The following RAB27B variants were observed in gnomAD, a reference collection of about 807,000 sequenced individuals.
RAB27B encodes RAB27B, member RAS oncogene family, also known as ras-related protein Rab-27B.
RAB27B carries 15 observed loss-of-function variants against 24.6 expected under a neutral mutation model. The ratio of observed to expected loss-of-function variants is 0.61; its 90% CI spans 0.41 to 0.94. RAB27B has a LOEUF of 0.94. RAB27B is among the 40% of genes least tolerant of loss of function. The pLI is 0.00. For missense variants in RAB27B, 261 were observed against 266.8 expected (o/e 0.98, Z 0.15); for synonymous variants, 105 against 92.5 (o/e 1.14, Z -0.78).
intron 3 of RAB27B, among the ~76,000 whole-genome samples, chr18:54,882,334 C>A (rs1368742095): frequency 6.6e-6 from 1 of 152,074 alleles, no homozygotes; most frequent in Non-Finnish European, 1.5e-5. Context: ...ATTTAGTGAG[C>A]AAATACCAGG....
chr18:54,728,914 A>AC (rs1909637598), intron 2 of RAB27B, among the ~76,000 whole-genome samples: 1 of 145,536 alleles, frequency 6.9e-6, no homozygotes, highest in African/African-American at 2.6e-5. Context: ...AAAAAAAAAA[A>AC]AAAAAAAAAC....
At chr18:54,850,390 GAGACA>G in intron 1 of RAB27B, among the ~76,000 whole-genome samples, 1 of 115,642 alleles carries the variant, frequency 8.6e-6, no homozygotes, top group Non-Finnish European at 1.8e-5. Flanking sequence ...TTTTTTTCTT[GAGACA>G]GAGTCTCACT....
intron 2 of RAB27B, among the ~76,000 whole-genome samples, chr18:54,798,268 G>A (rs1909486982): frequency 6.6e-6 from 1 of 152,226 alleles, no homozygotes; most frequent in Non-Finnish European, 1.5e-5. Flanking sequence ...AGGCTGAGAA[G>A]CCAACAGGAG....
chr18:54,884,492 G>T, intron 4 of RAB27B, 56 bp downstream of exon 4: 1 of 1,152,054 alleles, frequency 8.7e-7, no homozygotes, highest in Non-Finnish European at 1.3e-6. Flanking sequence ...TGCCTTAGGT[G>T]CTTGTTGGTC....
intron 2 of RAB27B, among the ~76,000 whole-genome samples, chr18:54,741,535 A>G (rs1406595150): frequency 6.6e-6 from 1 of 151,898 alleles, no homozygotes; most frequent in Non-Finnish European, 1.5e-5. Context: ...GCTGTGTTGC[A>G]CAGGTTGGAG....
At chr18:54,871,849 CAAAAAAAA>C (rs11388519) in intron 1 of RAB27B, among the ~76,000 whole-genome samples, 4 of 85,974 alleles carry the variant, frequency 4.7e-5, no homozygotes, top group East Asian at 7.8e-4. Flanking sequence ...GACTCCATCT[CAAAAAAAA>C]AAAAAAAAAA....
intron 3 of RAB27B, among the ~76,000 whole-genome samples, chr18:54,882,507 C>T (rs1465654319): frequency 2.0e-5 from 3 of 152,184 alleles, no homozygotes; most frequent in African/African-American, 4.8e-5. Context: ...AGGAGGAGCG[C>T]ATAGCCCACA....
intron 2 of RAB27B, among the ~76,000 whole-genome samples, chr18:54,818,226 A>G (rs1244985971): frequency 1.3e-5 from 2 of 152,216 alleles, no homozygotes; most frequent in Non-Finnish European, 2.9e-5. Context: ...TGCCCTTCCT[A>G]AAGAGTTAGG....
intron 2 of RAB27B, among the ~76,000 whole-genome samples, chr18:54,721,605 TC>T (rs968722251): frequency 1.4e-4 from 22 of 152,022 alleles, no homozygotes; most frequent in African/African-American, 4.8e-4. Context: ...ACAAGTTATG[TC>T]CCCCCTTGCA....
intron 1 of RAB27B, among the ~76,000 whole-genome samples, chr18:54,831,011 G>A (rs1910652105): frequency 6.6e-6 from 1 of 152,230 alleles, no homozygotes; most frequent in South Asian, 2.1e-4. Flanking sequence ...GTGGACAGAA[G>A]TGGACCAAAA....
intron 4 of RAB27B, among the ~76,000 whole-genome samples, chr18:54,887,021 T>TC (rs1568117054): frequency 3.3e-4 from 24 of 72,936 alleles, no homozygotes; most frequent in South Asian, 8.3e-4. Context: ...CTCCCTCCCT[T>TC]CCTCCCTCCC....
At chr18:54,811,733 G>A (rs1210483812) in intron 2 of RAB27B, among the ~76,000 whole-genome samples, 3 of 152,170 alleles carry the variant, frequency 2.0e-5, no homozygotes, top group African/African-American at 7.2e-5. Flanking sequence ...AGATCTTGAG[G>A]CCTTCAGGAA....
At chr18:54,831,134 A>G (rs540582451) in intron 1 of RAB27B, among the ~76,000 whole-genome samples, 2 of 152,312 alleles carry the variant, frequency 1.3e-5, no homozygotes, top group Admixed American at 6.5e-5. Context: ...TATAAAGCCG[A>G]GGAGGCATGC....
intron 3 of RAB27B, among the ~76,000 whole-genome samples, chr18:54,881,089 G>A (rs181924153): frequency 6.6e-6 from 1 of 152,276 alleles, no homozygotes; most frequent in Admixed American, 6.5e-5. Context: ...CAGTGAGGGG[G>A]AGGAGTGATA....
chr18:54,744,131 A>G (rs142187901), intron 2 of RAB27B, among the ~76,000 whole-genome samples: 227 of 152,328 alleles, frequency 1.5e-3, no homozygotes, highest in African/African-American at 5.1e-3. Context: ...GATTGATTTC[A>G]TTCATTGGAA....
rs201283607 is a variant in RAB27B, at chr18:54,888,038, A to G, written c.387A>G (p.Val129=). Reference sequence around the variant, plus strand: ...CTTATTGTGAAAATCCAGATATAGTATTAATTGGCAACAAGGCAGACCTAC... The same window carrying G: ...CTTATTGTGAAAATCCAGATATAGTGTTAATTGGCAACAAGGCAGACCTAC... ...ANAYCENPDI[V]LIGNKADLPD... is the part of the protein sequence containing the mutation. The change falls in exon 5 of 6, where the codon GTA becomes GTG. Residue 129 remains valine, a synonymous_variant. Coordinates refer to ENST00000262094, the MANE Select transcript of RAB27B (RefSeq NM_004163.4). 3.1e-4 allele frequency: 495 copies of G among 1,613,116 alleles called. 3 individuals carry two copies. The highest frequency in any genetic ancestry group is 1.0e-4 in the Non-Finnish European group (120 of 1,179,316).
chr18:54,879,561 C>G, intron 3 of RAB27B, 107 bp downstream of exon 3: 2 of 919,470 alleles, frequency 2.2e-6, no homozygotes, highest in Non-Finnish European at 3.5e-6. Context: ...AACTCTTCTC[C>G]TGGTTTCAAA....
intron 2 of RAB27B, among the ~76,000 whole-genome samples, chr18:54,726,552 C>T (rs1366743663): frequency 1.3e-5 from 2 of 151,370 alleles, no homozygotes; most frequent in East Asian, 1.9e-4. Context: ...ACAAAAAAAG[C>T]CCTGTTAGGA....
At chr18:54,757,372 A>T (rs536913016) in intron 2 of RAB27B, among the ~76,000 whole-genome samples, 1 of 152,190 alleles carries the variant, frequency 6.6e-6, no homozygotes, top group African/African-American at 2.4e-5. Flanking sequence ...CCTCTGCTGG[A>T]TGTCTGTTGG....
Sources: allele counts gnomAD v4.1 joint callset (sites outside exome capture counted in the v4.1 genomes callset), GRCh38; gene constraint gnomAD v4.1.1; transcripts MANE v1.5; gene names NCBI Gene and HGNC (gene_info 2026-07-23, HGNC 2026-07-21).